The following NALF1 variants were observed in gnomAD, a reference collection of about 807,000 sequenced individuals.
NALF1 encodes the protein NALCN channel auxiliary factor 1.
In NALF1, 3 loss-of-function variants were observed where a neutral mutation model predicts 48.4. That is an observed-to-expected ratio of 0.06 (90% confidence interval 0.03 to 0.16). The LOEUF (loss-of-function observed/expected upper bound fraction) is 0.16, where lower values mean the gene tolerates loss of function less well. Ranked by LOEUF, NALF1 falls within the 10% of genes least tolerant of loss-of-function variation. The pLI is 1.00. For missense variants in NALF1, 526 were observed against 571.5 expected, an observed-to-expected ratio of 0.92 and a Z score of 0.81; for synonymous variants, 262 against 245.7, an observed-to-expected ratio of 1.07 and a Z score of -0.62.
intron 1 of NALF1, among the ~76,000 whole-genome samples, chr13:107,660,146 A>G (rs1387271000): frequency 6.6e-6 from 1 of 152,076 alleles, no homozygotes; most frequent in East Asian, 1.9e-4. Context: ...CACGTGATTT[A>G]TAAAAATCTT....
intron 1 of NALF1, among the ~76,000 whole-genome samples, chr13:107,675,418 G>C (rs550842328): frequency 1.3e-5 from 2 of 152,228 alleles, no homozygotes; most frequent in East Asian, 3.9e-4. Flanking sequence ...TTCTGCGGAT[G>C]GGGGGGAAGG....
At chr13:107,809,628 T>C (rs982213569) in intron 1 of NALF1, among the ~76,000 whole-genome samples, 17 of 152,274 alleles carry the variant, frequency 1.1e-4, no homozygotes, top group African/African-American at 4.1e-4. Flanking sequence ...CTTTATCACC[T>C]TGGGGAAGCA....
rs571619494 is a variant in NALF1 at position 107,350,218 on chromosome 13, A to C, written c.916-139463T>G. ...GGGACCCCTGCTGTATTGTACGTAA[A>C]ACAGTTCTGTGCAATCAAGACAAAT... On this transcript the variant is annotated intron_variant, in intron 1 of 2. Coordinates refer to ENST00000375915, the MANE Select transcript of NALF1 (RefSeq NM_001080396.3). Among the ~76,000 whole-genome samples, 374 of 152,290 alleles carry C rather than the reference A, an allele frequency of 2.5e-3. 5 individuals are homozygous for C. Among genetic ancestry groups the C allele is most frequent in the African/African-American group, 8.4e-3 (347 of 41,552 alleles).
chr13:107,539,170 G>C (rs953046382), intron 1 of NALF1, among the ~76,000 whole-genome samples: 8 of 151,854 alleles, frequency 5.3e-5, no homozygotes, highest in Non-Finnish European at 8.8e-5. Flanking sequence ...TCACAGACTG[G>C]TCAATTTATC....
At chr13:107,391,399 A>G (rs1207656365) in intron 1 of NALF1, among the ~76,000 whole-genome samples, 2 of 152,172 alleles carry the variant, frequency 1.3e-5, no homozygotes, top group Admixed American at 1.3e-4. Flanking sequence ...AGGAAAAAAT[A>G]TTTAACCCCC....
intron 1 of NALF1, among the ~76,000 whole-genome samples, chr13:107,380,149 G>T (rs897480065): frequency 1.3e-5 from 2 of 151,802 alleles, no homozygotes; most frequent in African/African-American, 4.8e-5. Flanking sequence ...GTACTAATTT[G>T]TTATTTCATT....
intron 1 of NALF1, among the ~76,000 whole-genome samples, chr13:107,325,172 T>C (rs933883980): frequency 6.6e-6 from 1 of 152,192 alleles, no homozygotes. Context: ...TTTACTGTAT[T>C]TTTGAGAAGC....
chr13:107,165,402 A>G lies in NALF1; in HGVS notation c.*5095T>C, dbSNP rs1878638128. On this transcript the variant is annotated 3_prime_UTR_variant, in exon 3 of 3. Coordinates refer to ENST00000375915, the MANE Select transcript of NALF1 (RefSeq NM_001080396.3). ...TCGGAGCCAGCTTGTGTAATTTGTA[A>G]TCAGAAGATGCTTGAGTTCCATCAT... 1 of 152,154 alleles carries G rather than the reference A, an allele frequency of 6.6e-6. No homozygotes were observed. The highest frequency in any genetic ancestry group is 6.5e-5 in the Admixed American group (1 of 15,286). 9.4% of individuals were successfully genotyped at this position (152,154 alleles called of 1,614,324 possible).
At chr13:107,704,867 G>A (rs1259755472) in intron 1 of NALF1, among the ~76,000 whole-genome samples, 1 of 152,064 alleles carries the variant, frequency 6.6e-6, no homozygotes. Flanking sequence ...GTGGGAAAGG[G>A]GAAAGAATGC....
intron 1 of NALF1, among the ~76,000 whole-genome samples, chr13:107,510,532 A>G (rs1337870002): frequency 6.6e-6 from 1 of 152,228 alleles, no homozygotes; most frequent in Non-Finnish European, 1.5e-5. Flanking sequence ...TATTTTTCAG[A>G]CACCACATTA....
chr13:107,179,783 TC>T (rs1485530549), intron 2 of NALF1, among the ~76,000 whole-genome samples: 1 of 151,356 alleles, frequency 6.6e-6, no homozygotes, highest in East Asian at 1.9e-4. Context: ...GGAGGATTCT[TC>T]CTGGGCCCTT....
At chr13:107,726,903 C>T (rs535504736) in intron 1 of NALF1, among the ~76,000 whole-genome samples, 4 of 136,966 alleles carry the variant, frequency 2.9e-5, no homozygotes, top group South Asian at 2.4e-4. Context: ...CACGCCCGGC[C>T]GGCAAATTCT....
In NALF1 at chr13:107,400,562, A is replaced by G. The variant is rs114859308; in HGVS notation, c.916-189807T>C. On this transcript the variant is annotated intron_variant, in intron 1 of 2. Transcript: ENST00000375915. Reference sequence around the variant, plus strand: ...ACCCCATCTCTATTAAAAATACACAAATTAGCTGGGAGTTGTGGTGTGTGC... The same window carrying G: ...ACCCCATCTCTATTAAAAATACACAGATTAGCTGGGAGTTGTGGTGTGTGC... Among the ~76,000 whole-genome samples the G allele has an allele frequency of 6.8e-3, 1,031 of 151,996 alleles. 12 individuals carry two copies. Among genetic ancestry groups the G allele is most frequent in the African/African-American group, 0.024 (998 of 41,418 alleles).
chr13:107,598,732 A>C (rs1878829154), intron 1 of NALF1, among the ~76,000 whole-genome samples: 1 of 152,002 alleles, frequency 6.6e-6, no homozygotes, highest in Non-Finnish European at 1.5e-5. Context: ...CATGGTTTGC[A>C]CTCTTACTTA....
chr13:107,753,550 CA>C (rs1421446187), intron 1 of NALF1, among the ~76,000 whole-genome samples: 1 of 149,902 alleles, frequency 6.7e-6, no homozygotes, highest in East Asian at 2.0e-4. Flanking sequence ...GCGATGTTTG[CA>C]AAACCTCAAC....
At chr13:107,717,648 A>G (rs1367777502) in intron 1 of NALF1, among the ~76,000 whole-genome samples, 4 of 152,226 alleles carry the variant, frequency 2.6e-5, no homozygotes, top group Non-Finnish European at 4.4e-5. Context: ...ATCTACACAG[A>G]AAAAGACTAA....
chr13:107,248,652 C>G (rs1002325914), intron 1 of NALF1, among the ~76,000 whole-genome samples: 2 of 150,308 alleles, frequency 1.3e-5, no homozygotes, highest in African/African-American at 4.9e-5. Context: ...CTCAGTTGTA[C>G]CAGCCACATT....
At chr13:107,636,928 A>G (rs1879993045) in intron 1 of NALF1, among the ~76,000 whole-genome samples, 1 of 150,328 alleles carries the variant, frequency 6.7e-6, no homozygotes, top group Admixed American at 6.7e-5. Context: ...ATCCACATGA[A>G]GACATTTTAG....
chr13:107,419,348 C>T (rs1339068445), intron 1 of NALF1, among the ~76,000 whole-genome samples: 5 of 152,198 alleles, frequency 3.3e-5, no homozygotes, highest in African/African-American at 9.6e-5. Flanking sequence ...ATGTGCCTGT[C>T]TCTAAACCCA....
Sources: allele counts gnomAD v4.1 joint callset (sites outside exome capture counted in the v4.1 genomes callset), GRCh38; gene constraint gnomAD v4.1.1; transcripts MANE v1.5; gene names NCBI Gene and HGNC (gene_info 2026-07-23, HGNC 2026-07-21).